Variants in SCNN1B observed in about 807,000 individuals in gnomAD.
SCNN1B encodes epithelial sodium channel subunit beta.
SCNN1B carries 46 observed loss-of-function variants against 65.3 expected under a neutral mutation model. That is an observed-to-expected ratio of 0.70 (90% CI 0.56 to 0.90). SCNN1B has a LOEUF of 0.90. SCNN1B is among the 40% of genes least tolerant of loss of function. SCNN1B has a pLI of 0.00. For missense variants in SCNN1B, 751 were observed against 830.5 expected, an observed-to-expected ratio of 0.90 and a Z score of 1.18; for synonymous variants, 349 against 330.6, an observed-to-expected ratio of 1.06 and a Z score of -0.60.
At chr16:23,304,530 G>C (rs934139081) in intron 1 of SCNN1B, among the ~76,000 whole-genome samples, 1 of 152,196 alleles carries the variant, frequency 6.6e-6, no homozygotes, top group Non-Finnish European at 1.5e-5. Flanking sequence ...GCCACCTCCA[G>C]GGGTTCTCTC....
intron 1 of SCNN1B, chr16:23,304,055 C>G: frequency 6.5e-7 from 1 of 1,535,592 alleles, no homozygotes; most frequent in Non-Finnish European, 8.7e-7. Flanking sequence ...GGATTCCCGC[C>G]GTGGATAATG....
At chr16:23,333,200 AG>A (rs1406918153) in intron 1 of SCNN1B, among the ~76,000 whole-genome samples, 52 of 96,300 alleles carry the variant, frequency 5.4e-4, no homozygotes, top group African/African-American at 2.1e-3. Flanking sequence ...GAAGGAAGGA[AG>A]GAAGGAAGGA....
At chr16:23,339,950 T>C (rs1394142205) in intron 1 of SCNN1B, among the ~76,000 whole-genome samples, 1 of 152,142 alleles carries the variant, frequency 6.6e-6, no homozygotes, top group African/African-American at 2.4e-5. Flanking sequence ...AGAATTCCGG[T>C]TGCTACACAT....
intron 1 of SCNN1B, among the ~76,000 whole-genome samples, chr16:23,329,982 G>A (rs1197261041): frequency 6.6e-6 from 1 of 150,824 alleles, no homozygotes; most frequent in Non-Finnish European, 1.5e-5. Flanking sequence ...AATTGCGATT[G>A]CACCACTGCA....
chr16:23,319,619 T>C (rs997976408), intron 1 of SCNN1B, among the ~76,000 whole-genome samples: 13 of 152,346 alleles, frequency 8.5e-5, no homozygotes, highest in African/African-American at 2.4e-4. Context: ...GATGGCAGCA[T>C]TGAGTGGCCA....
intron 1 of SCNN1B, among the ~76,000 whole-genome samples, chr16:23,347,029 C>T (rs1331438839): frequency 2.0e-5 from 3 of 151,986 alleles, no homozygotes; most frequent in Admixed American, 6.6e-5. Context: ...CCCAGGAGTT[C>T]GAGGCTGCAG....
At chr16:23,333,307 A>T (rs1961868609) in intron 1 of SCNN1B, among the ~76,000 whole-genome samples, 1 of 152,186 alleles carries the variant, frequency 6.6e-6, no homozygotes, top group Non-Finnish European at 1.5e-5. Context: ...TGTCTGGGAA[A>T]ACCAGCTGCC....
intron 1 of SCNN1B, among the ~76,000 whole-genome samples, chr16:23,279,072 G>GT (rs1489004016): frequency 8.6e-5 from 12 of 139,488 alleles, no homozygotes; most frequent in African/African-American, 3.4e-4. Context: ...TTGTGTGTGT[G>GT]GGGTGTGTGT....
upstream of SCNN1B, among the ~76,000 whole-genome samples, chr16:23,301,533 T>C (rs1200979081): frequency 6.6e-6 from 1 of 152,032 alleles, no homozygotes; most frequent in East Asian, 1.9e-4. Flanking sequence ...TGGAGAAATA[T>C]ACAGGAAACT....
intron 1 of SCNN1B, among the ~76,000 whole-genome samples, chr16:23,323,753 T>C (rs1352191214): frequency 6.6e-6 from 1 of 152,150 alleles, no homozygotes; most frequent in Non-Finnish European, 1.5e-5. Flanking sequence ...GGGGCCTTTA[T>C]TCTATAGACA....
rs745741083 is a variant in SCNN1B, at chr16:23,348,777, G to A, written c.178G>A (p.Ala60Thr). 1.2e-5 allele frequency: 20 copies of A among 1,614,034 alleles called. No individual in the cohort carries two copies. Among genetic ancestry groups the A allele is most frequent in the Admixed American group, 1.7e-5 (1 of 59,986 alleles). The change falls in exon 2 of 13, where the codon GCC becomes ACC. Residue 60 changes from alanine to threonine, a missense_variant. Ala to Thr is a moderately conservative substitution (Grantham distance 58). Coordinates refer to ENST00000343070, the MANE Select transcript of SCNN1B (RefSeq NM_000336.3). The surrounding 1 kb of genome is among the most constrained non-coding windows in gnomAD (Gnocchi z 4.5). ...AMWFLLTLLF[A>T]ALVCWQWGIF... The stretch of plus-strand genomic sequence containing the variant: ...GTGGTTCCTGCTCACCCTGCTCTTC[G>A]CCGCCCTCGTCTGCTGGCAGTGGGG...
chr16:23,311,673 G>T (rs989960132), intron 1 of SCNN1B, among the ~76,000 whole-genome samples: 1 of 152,212 alleles, frequency 6.6e-6, no homozygotes, highest in African/African-American at 2.4e-5. Flanking sequence ...GGCAGGTTGG[G>T]TTAGGGAGCG....
At chr16:23,343,599 G>GAAAGAA (rs1962113235) in intron 1 of SCNN1B, among the ~76,000 whole-genome samples, 4 of 89,418 alleles carry the variant, frequency 4.5e-5, no homozygotes, top group Non-Finnish European at 2.2e-5. Context: ...AAGAAAGAAA[G>GAAAGAA]AAAGAAAGAA....
intron 2 of SCNN1B, among the ~76,000 whole-genome samples, chr16:23,284,654 C>T (rs1960826934): frequency 6.6e-6 from 1 of 152,128 alleles, no homozygotes; most frequent in African/African-American, 2.4e-5. Context: ...CTACAGCAGT[C>T]AGACAGAGCA....
chr16:23,348,926 G>A lies in SCNN1B; in HGVS notation c.311+16G>A, dbSNP rs1962249376. ...GCCCCTTCAAGTAGGTGGCCCCGGA[G>A]TGCACAGCTGGCCTCAGCAGACAGG... On this transcript the variant is annotated intron_variant, in intron 2 of 12. Transcript: ENST00000343070. This position sits in a 1 kb window ranked among gnomAD's most constrained non-coding sequence, Gnocchi z 4.5. The A allele has an allele frequency of 6.2e-7, 1 of 1,610,512 alleles. No individual in the cohort carries two copies. The highest frequency in any genetic ancestry group is 8.5e-7 in the Non-Finnish European group (1 of 1,176,870).
At chr16:23,366,098 C>T (rs186421308) in intron 4 of SCNN1B, among the ~76,000 whole-genome samples, 43 of 152,344 alleles carry the variant, frequency 2.8e-4, no homozygotes, top group Admixed American at 2.6e-4. Flanking sequence ...TGCTGTGGAG[C>T]ATAAGGCTTC....
chr16:23,288,025 G>A (rs1472283805), intron 2 of SCNN1B, among the ~76,000 whole-genome samples: 2 of 151,640 alleles, frequency 1.3e-5, no homozygotes, highest in Non-Finnish European at 2.9e-5. Context: ...GCATGGTGGT[G>A]TGTGCCTGTA....
intron 4 of SCNN1B, 96 bp from the exon 5 acceptor site, chr16:23,367,760 C>T: frequency 2.1e-6 from 2 of 960,064 alleles, no homozygotes; most frequent in South Asian, 1.3e-5. Flanking sequence ...CCTTTCGGAG[C>T]CCCTCCAAGG....
chr16:23,368,012 CA>C, intron 5 of SCNN1B, 53 bp downstream of exon 5: 1 of 1,325,182 alleles, frequency 7.5e-7, no homozygotes, highest in Non-Finnish European at 1.1e-6. Context: ...ACCACCCCCA[CA>C]ATGTGGGACT....
Sources: allele counts gnomAD v4.1 joint callset (sites outside exome capture counted in the v4.1 genomes callset), GRCh38; gene constraint gnomAD v4.1.1; non-coding constraint Gnocchi (gnomAD v3.1); transcripts MANE v1.5; gene names NCBI Gene and HGNC (gene_info 2026-07-23, HGNC 2026-07-21).